Variants in ARHGAP42 observed in about 807,000 individuals in gnomAD.
ARHGAP42 encodes Rho GTPase activating protein 42, also known as rho GTPase-activating protein 42.
In ARHGAP42, 63 loss-of-function variants were observed where a neutral mutation model predicts 125.0. The ratio of observed to expected loss-of-function variants is 0.50; its 90% CI spans 0.41 to 0.62. The LOEUF (loss-of-function observed/expected upper bound fraction) is 0.62, where lower values mean the gene tolerates loss of function less well. Among genes scored for constraint, ARHGAP42 ranks in the 20% least tolerant of loss-of-function variants. ARHGAP42 has a pLI of 0.00. For missense variants in ARHGAP42, 766 were observed against 1,024.2 expected (o/e 0.75, Z 3.44); for synonymous variants, 339 against 351.0 (o/e 0.97, Z 0.38).
At chr11:100,748,271 C>T (rs549791765) in intron 1 of ARHGAP42, among the ~76,000 whole-genome samples, 11 of 152,166 alleles carry the variant, frequency 7.2e-5, no homozygotes, top group African/African-American at 1.9e-4. Context: ...GCAAACAGCT[C>T]GCAGGTTTGA....
At chr11:100,896,692 T>G (rs983828579) in intron 4 of ARHGAP42, among the ~76,000 whole-genome samples, 1 of 152,216 alleles carries the variant, frequency 6.6e-6, no homozygotes, top group Non-Finnish European at 1.5e-5. Context: ...GGTTCTTTGT[T>G]TTTTTCTTGT....
Position 100,933,168 on chromosome 11 carries a change from C to T in ARHGAP42, c.610C>T (p.Leu204Phe), listed in dbSNP as rs924465813. The T allele has an allele frequency of 1.3e-6, 2 of 1,548,774 alleles. No homozygotes were observed. Among genetic ancestry groups the T allele is most frequent in the Admixed American group, 2.0e-5 (1 of 50,896 alleles). The change falls in exon 7 of 24, where the codon CTT becomes TTT. Residue 204 changes from leucine (L) to phenylalanine (F), a missense_variant. Around this residue, in one of 3 missense-constraint regions of ARHGAP42, gnomAD observed 455 missense variants for 636.5 expected, o/e 0.71. Coordinates refer to ENST00000298815, the MANE Select transcript of ARHGAP42 (RefSeq NM_152432.4). Reference sequence around the variant, plus strand: ...TTTATCTTTGCAGCTTTTGTCATTTCTTCAGGGCTTATTTACTTTTTACCA... The same window carrying T: ...TTTATCTTTGCAGCTTTTGTCATTTTTTCAGGGCTTATTTACTTTTTACCA... ...FEFVEPLLSFLQGLFTFYHEG... is the reference protein window; with the variant it reads ...FEFVEPLLSFFQGLFTFYHEG...
chr11:100,728,714 GTATATATATATATATATATATATATATA>G (rs57293905), intron 1 of ARHGAP42, among the ~76,000 whole-genome samples: 17 of 70,408 alleles, frequency 2.4e-4, no homozygotes, highest in East Asian at 4.8e-4. Flanking sequence ...ATGACTTTGC[GTATATATATATATATATATATATATATA>G]TATATATATA....
At chr11:100,798,309 T>G (rs1863768731) in intron 3 of ARHGAP42, among the ~76,000 whole-genome samples, 1 of 152,206 alleles carries the variant, frequency 6.6e-6, no homozygotes, top group Admixed American at 6.5e-5. Context: ...AAACTGTAAT[T>G]CATGCTACAG....
intron 4 of ARHGAP42, among the ~76,000 whole-genome samples, chr11:100,890,470 A>G (rs2135190674): frequency 6.6e-6 from 1 of 152,316 alleles, no homozygotes; most frequent in Admixed American, 6.5e-5. Context: ...CGCTTCATTA[A>G]GTACCATTCA....
At chr11:100,954,254 C>T (rs1486951672) in intron 12 of ARHGAP42, among the ~76,000 whole-genome samples, 1 of 152,114 alleles carries the variant, frequency 6.6e-6, no homozygotes, top group Non-Finnish European at 1.5e-5. Flanking sequence ...CTCATTCTCT[C>T]ATGCAGTCAG....
intron 16 of ARHGAP42, among the ~76,000 whole-genome samples, chr11:100,964,803 G>A (rs1301076634): frequency 1.3e-5 from 2 of 152,104 alleles, no homozygotes; most frequent in Non-Finnish European, 2.9e-5. Flanking sequence ...ATGTAATAAT[G>A]CTAACATTTC....
chr11:100,829,672 T>G (rs114319899), intron 3 of ARHGAP42, among the ~76,000 whole-genome samples: 1 of 152,314 alleles, frequency 6.6e-6, no homozygotes, highest in African/African-American at 2.4e-5. Context: ...AAACTTCAAT[T>G]TTGGCATTTT....
chr11:100,849,228 AT>A (rs1166807950), intron 3 of ARHGAP42, among the ~76,000 whole-genome samples: 5 of 124,320 alleles, frequency 4.0e-5, no homozygotes, highest in African/African-American at 1.9e-4. Flanking sequence ...CATATCACTC[AT>A]TCTTCACATG....
chr11:100,814,415 C>T (rs1565225633), intron 3 of ARHGAP42, among the ~76,000 whole-genome samples: 1 of 151,562 alleles, frequency 6.6e-6, no homozygotes, highest in Non-Finnish European at 1.5e-5. Context: ...AGGGCTCTCA[C>T]TAACAGGCTT....
intron 4 of ARHGAP42, among the ~76,000 whole-genome samples, chr11:100,887,694 A>G (rs1373325837): frequency 6.6e-6 from 1 of 152,196 alleles, no homozygotes; most frequent in Non-Finnish European, 1.5e-5. Flanking sequence ...CCTGCCACTC[A>G]CAAGGATGGA....
intron 1 of ARHGAP42, among the ~76,000 whole-genome samples, chr11:100,724,387 G>T (rs757126200): frequency 1.3e-5 from 2 of 152,104 alleles, no homozygotes; most frequent in Non-Finnish European, 2.9e-5. Context: ...AACTCGTGGA[G>T]AATTGGTTTA....
chr11:100,904,316 T>C (rs561899507), intron 4 of ARHGAP42, among the ~76,000 whole-genome samples: 1 of 151,810 alleles, frequency 6.6e-6, no homozygotes, highest in Non-Finnish European at 1.5e-5. Flanking sequence ...TGATCTCTGC[T>C]CACTGCAACC....
At chr11:100,722,678 C>T (rs909842149) in intron 1 of ARHGAP42, among the ~76,000 whole-genome samples, 6 of 152,218 alleles carry the variant, frequency 3.9e-5, no homozygotes, top group South Asian at 2.1e-4. Flanking sequence ...CGCAAGCCAC[C>T]GCGCAAATTT....
At chr11:100,701,774 G>C (rs1861401555) in intron 1 of ARHGAP42, among the ~76,000 whole-genome samples, 1 of 152,174 alleles carries the variant, frequency 6.6e-6, no homozygotes, top group Admixed American at 6.5e-5. Context: ...CTGCATATCA[G>C]CAATAAGGCT....
At chr11:100,897,232 G>T (rs536226370) in intron 4 of ARHGAP42, among the ~76,000 whole-genome samples, 2 of 152,254 alleles carry the variant, frequency 1.3e-5, no homozygotes, top group African/African-American at 4.8e-5. Context: ...ATGCTATTTT[G>T]GTTACTATAA....
chr11:100,964,746 C>A (rs756787399), intron 16 of ARHGAP42, among the ~76,000 whole-genome samples: 2 of 152,160 alleles, frequency 1.3e-5, no homozygotes, highest in Non-Finnish European at 2.9e-5. Flanking sequence ...TTACATTTTA[C>A]ATTTACCGTT....
intron 3 of ARHGAP42, among the ~76,000 whole-genome samples, chr11:100,842,054 T>A (rs558153261): frequency 6.6e-6 from 1 of 152,308 alleles, no homozygotes; most frequent in Admixed American, 6.5e-5. Flanking sequence ...TATGGCCTAG[T>A]GGCTAAAGAT....
chr11:100,949,822 C>T (rs946692066), intron 11 of ARHGAP42, 95 bp from the exon 12 acceptor site: 1 of 752,424 alleles, frequency 1.3e-6, no homozygotes, highest in Non-Finnish European at 2.0e-6. Flanking sequence ...AATCAAGACA[C>T]TCTTTTCATC....
Sources: gnomAD v4.1 joint callset for allele counts (sites outside exome capture counted in the v4.1 genomes callset) on GRCh38, gnomAD v4.1.1 for gene constraint, gnomAD v4.1.1 regional missense constraint, MANE v1.5 for transcripts, NCBI Gene and HGNC (gene_info 2026-07-23, HGNC 2026-07-21) for gene names.